The following ENOX1 variants were observed in gnomAD, a reference collection of about 807,000 sequenced individuals.
ENOX1 encodes ecto-NOX disulfide-thiol exchanger 1.
ENOX1 carries 42 observed loss-of-function variants against 82.5 expected under a neutral mutation model. The observed-to-expected ratio is 0.51, with a 90% CI of 0.40 to 0.66. The LOEUF (loss-of-function observed/expected upper bound fraction) is 0.66. Among genes scored for constraint, ENOX1 ranks in the 30% least tolerant of loss-of-function variants. The pLI, the probability that ENOX1 is intolerant of heterozygous loss-of-function variation, is 0.00. For missense variants in ENOX1, 608 were observed against 811.6 expected (o/e 0.75, Z 3.05); for synonymous variants, 271 against 282.2 (o/e 0.96, Z 0.40).
intron 2 of ENOX1, among the ~76,000 whole-genome samples, chr13:43,661,875 T>C (rs780466583): frequency 1.3e-5 from 2 of 152,242 alleles, no homozygotes; most frequent in Non-Finnish European, 2.9e-5. Flanking sequence ...ATCTACTATA[T>C]GCAAGGCATG....
intron 5 of ENOX1, among the ~76,000 whole-genome samples, chr13:43,388,575 C>T (rs1016396633): frequency 1.3e-5 from 2 of 152,156 alleles, no homozygotes; most frequent in African/African-American, 4.8e-5. Context: ...TTAACACCAC[C>T]TGGGATGTGG....
At chr13:43,472,044 A>G (rs1367546708) in intron 3 of ENOX1, among the ~76,000 whole-genome samples, 1 of 151,782 alleles carries the variant, frequency 6.6e-6, no homozygotes, top group Non-Finnish European at 1.5e-5. Flanking sequence ...AAAGAAAAAA[A>G]GAGAAAGCAA....
chr13:43,238,046 T>C (rs1043518758), intron 14 of ENOX1, among the ~76,000 whole-genome samples: 1 of 152,214 alleles, frequency 6.6e-6, no homozygotes. Flanking sequence ...AGGTAAAGAA[T>C]TGAGAAAATC....
chr13:43,399,580 C>G (rs940226070), intron 5 of ENOX1, among the ~76,000 whole-genome samples: 3 of 152,170 alleles, frequency 2.0e-5, no homozygotes, highest in Non-Finnish European at 2.9e-5. Flanking sequence ...ACATTTGATC[C>G]CTATAATATG....
At chr13:43,573,464 G>A (rs1028941812) in intron 2 of ENOX1, among the ~76,000 whole-genome samples, 11 of 152,068 alleles carry the variant, frequency 7.2e-5, no homozygotes, top group African/African-American at 1.9e-4. Context: ...CTTTAGATGC[G>A]TCCAAGACTC....
At chr13:43,355,170 G>T (rs2050068291) in intron 8 of ENOX1, among the ~76,000 whole-genome samples, 1 of 152,226 alleles carries the variant, frequency 6.6e-6, no homozygotes, top group South Asian at 2.1e-4. Flanking sequence ...ACACAACTTT[G>T]GTCAGTAATA....
chr13:43,704,918 A>G (rs1157967345), intron 1 of ENOX1, among the ~76,000 whole-genome samples: 2 of 152,236 alleles, frequency 1.3e-5, no homozygotes, highest in Non-Finnish European at 2.9e-5. Flanking sequence ...CCATGAGTTA[A>G]GAATAAATAC....
chr13:43,235,638 A>G (rs2042503413), intron 15 of ENOX1, among the ~76,000 whole-genome samples: 1 of 151,912 alleles, frequency 6.6e-6, no homozygotes, highest in East Asian at 1.9e-4. Flanking sequence ...AGGCTGAGGC[A>G]GGAGAATCAC....
intron 8 of ENOX1, among the ~76,000 whole-genome samples, chr13:43,347,592 G>C (rs2153548162): frequency 6.6e-6 from 1 of 152,312 alleles, no homozygotes; most frequent in African/African-American, 2.4e-5. Context: ...AGGATATTGG[G>C]AGCGGTCATT....
At chr13:43,642,725 A>G (rs2083709266) in intron 2 of ENOX1, among the ~76,000 whole-genome samples, 1 of 152,240 alleles carries the variant, frequency 6.6e-6, no homozygotes, top group Non-Finnish European at 1.5e-5. Flanking sequence ...CTACTCATCC[A>G]TGATACTATC....
intron 5 of ENOX1, among the ~76,000 whole-genome samples, chr13:43,391,523 T>C (rs1195673399): frequency 6.6e-6 from 1 of 152,156 alleles, no homozygotes; most frequent in Non-Finnish European, 1.5e-5. Flanking sequence ...TCTGAGTGCA[T>C]GATTTCTCCC....
chr13:43,497,797 A>C (rs2076844555), intron 2 of ENOX1, among the ~76,000 whole-genome samples: 1 of 152,152 alleles, frequency 6.6e-6, no homozygotes, highest in Admixed American at 6.6e-5. Flanking sequence ...TCTTTGTTTA[A>C]GACTGGTATT....
intron 2 of ENOX1, among the ~76,000 whole-genome samples, chr13:43,508,101 G>C (rs1485022742): frequency 6.6e-6 from 1 of 151,926 alleles, no homozygotes; most frequent in Non-Finnish European, 1.5e-5. Context: ...GTCTGAACTT[G>C]TCCAAAATTT....
chr13:43,290,072 C>A (rs867651636), intron 12 of ENOX1, among the ~76,000 whole-genome samples: 3 of 152,094 alleles, frequency 2.0e-5, no homozygotes, highest in Non-Finnish European at 4.4e-5. Context: ...AAGTCAAAAA[C>A]AACAGATGCT....
chr13:43,741,351 G>C (rs920400806), intron 1 of ENOX1, among the ~76,000 whole-genome samples: 2 of 152,130 alleles, frequency 1.3e-5, no homozygotes, highest in African/African-American at 2.4e-5. Context: ...CCAAAGTGCT[G>C]GGATTACAGG....
chr13:43,442,552 T>C (rs2056419189), intron 3 of ENOX1, among the ~76,000 whole-genome samples: 1 of 152,140 alleles, frequency 6.6e-6, no homozygotes, highest in Non-Finnish European at 1.5e-5. Context: ...CACACCACCC[T>C]AACCCATGCC....
chr13:43,462,578 C>T (rs142125038), intron 3 of ENOX1, among the ~76,000 whole-genome samples: 1 of 152,152 alleles, frequency 6.6e-6, no homozygotes, highest in Non-Finnish European at 1.5e-5. Flanking sequence ...ATGCATACTA[C>T]AGCATATTAA....
rs754083782 is a variant in ENOX1 at position 43,265,458 on chromosome 13, C to A, written c.1555-4G>T. The A allele has an allele frequency of 1.6e-5, 26 of 1,610,296 alleles. No homozygotes were observed. The highest frequency in any genetic ancestry group is 2.0e-5 in the Non-Finnish European group (24 of 1,178,180). Reference sequence around the variant, plus strand: ...CCAATTCCTTGGTACCTTTTAACTGCAAATTTTAAGGAAAAACAACACAAA... The same window carrying A: ...CCAATTCCTTGGTACCTTTTAACTGAAAATTTTAAGGAAAAACAACACAAA... On this transcript the variant is annotated splice_polypyrimidine_tract_variant and splice_region_variant and intron_variant, in intron 13 of 16. Coordinates refer to ENST00000690772, the MANE Select transcript of ENOX1 (RefSeq NM_001347969.2).
At position 43,310,402 on chromosome 13, in the gene ENOX1, ATT is replaced by A. The variant is rs879744048; in HGVS notation, c.1262-11874_1262-11873del. 8.4e-3 allele frequency among the ~76,000 whole-genome samples: 1,275 copies of A among 152,038 alleles called. 8 individuals carry two copies. The highest frequency in any genetic ancestry group is 0.013 in the Non-Finnish European group (914 of 67,926). On this transcript the variant is annotated intron_variant, in intron 11 of 16. Transcript: ENST00000690772. Reference sequence around the variant, plus strand: ...ACAGACTTCAAACCCATATTCAATGATTTTTTTAAAAATGACTTCCTTCCAAT... The same window carrying A: ...ACAGACTTCAAACCCATATTCAATGATTTTTAAAAATGACTTCCTTCCAAT...
Sources: gnomAD v4.1 joint callset for allele counts (sites outside exome capture counted in the v4.1 genomes callset) on GRCh38, gnomAD v4.1.1 for gene constraint, MANE v1.5 for transcripts, NCBI Gene and HGNC (gene_info 2026-07-23, HGNC 2026-07-21) for gene names.